Variants in FBXO47 observed in about 807,000 individuals in gnomAD.
FBXO47 encodes the protein F-box protein 47, also known as F-box only protein 47.
Under a neutral mutation model 53.9 loss-of-function variants are expected in FBXO47, and 34 were observed. The ratio of observed to expected loss-of-function variants is 0.63; its 90% CI spans 0.48 to 0.84. FBXO47 has a LOEUF of 0.84. Among genes scored for constraint, FBXO47 ranks in the 40% least tolerant of loss-of-function variants. The pLI is 0.00. For synonymous variants in FBXO47, 165 were observed against 181.6 expected (o/e 0.91, Z 0.73); for missense variants, 485 against 541.3 (o/e 0.90, Z 1.03).
At chr17:38,938,122 G>A (rs1915627307) in intron 10 of FBXO47, among the ~76,000 whole-genome samples, 1 of 152,172 alleles carries the variant, frequency 6.6e-6, no homozygotes, top group Non-Finnish European at 1.5e-5. Context: ...TTGAGACCTT[G>A]GTAAGTCAGG....
chr17:38,940,835 C>G (rs952342921), intron 9 of FBXO47, among the ~76,000 whole-genome samples: 1 of 151,606 alleles, frequency 6.6e-6, no homozygotes, highest in Non-Finnish European at 1.5e-5. Context: ...ACCACCACAC[C>G]CAGCTAGTTT....
At chr17:38,957,023 G>A (rs949745010) in intron 4 of FBXO47, among the ~76,000 whole-genome samples, 154 bp downstream of exon 4, 3 of 152,036 alleles carry the variant, frequency 2.0e-5, no homozygotes, top group Admixed American at 6.6e-5. Context: ...ATATAATCTC[G>A]AAGTACTTGG....
intron 9 of FBXO47, 132 bp from the exon 10 acceptor site, chr17:38,938,864 C>T: frequency 1.5e-6 from 1 of 673,762 alleles, no homozygotes; most frequent in Admixed American, 2.7e-5. Context: ...CATACTGAGT[C>T]TATACATGGG....
intron 9 of FBXO47, among the ~76,000 whole-genome samples, chr17:38,939,309 AAAAAAAAAAAAAAAAT>A (rs1188659967): frequency 8.0e-6 from 1 of 125,104 alleles, no homozygotes; most frequent in African/African-American, 3.2e-5. Flanking sequence ...AAAAAAAAAA[AAAAAAAAAAAAAAAAT>A]ATATATATAT....
intron 5 of FBXO47, among the ~76,000 whole-genome samples, chr17:38,953,862 GT>G (rs1202539490): frequency 6.6e-6 from 1 of 152,154 alleles, no homozygotes; most frequent in Non-Finnish European, 1.5e-5. Flanking sequence ...AGAAAAATCT[GT>G]CTTGGAAGAA....
chr17:38,951,792 A>C, intron 5 of FBXO47, 103 bp from the exon 6 acceptor site: 1 of 767,584 alleles, frequency 1.3e-6, no homozygotes, highest in East Asian at 2.7e-5. Context: ...ACACTTTGGG[A>C]GGCCAAGGTG....
chr17:38,961,180 T>G (rs1279458958), intron 3 of FBXO47, among the ~76,000 whole-genome samples: 18 of 152,220 alleles, frequency 1.2e-4, no homozygotes, highest in Non-Finnish European at 1.5e-5. Context: ...TTCACTTAAC[T>G]TACTGTTATG....
Position 38,957,219 on chromosome 17 carries a change from G to A in FBXO47, c.387C>T (p.Pro129=), listed in dbSNP as rs1180348165. ...LLFKRCTLLL[P]TKERLKYIHK... ...GAATGTATTTTAGCCTTTCCTTGGT[G>A]GGTAGCAGCAATGTGCATCTTTTAA... The change falls in exon 4 of 11, where the codon CCC becomes CCT. Residue 129 remains proline, a synonymous_variant. Transcript: ENST00000378079. The A allele has an allele frequency of 1.2e-6, 2 of 1,611,722 alleles. No individual in the cohort carries two copies. Among genetic ancestry groups the A allele is most frequent in the Admixed American group, 3.3e-5 (2 of 59,972 alleles).
At chr17:38,956,379 G>C (rs1394877609) in intron 4 of FBXO47, among the ~76,000 whole-genome samples, 1 of 152,052 alleles carries the variant, frequency 6.6e-6, no homozygotes, top group African/African-American at 2.4e-5. Context: ...CCTGAGGTCA[G>C]GAGTTCGAGA....
At chr17:38,965,761 T>C (rs574908195) in intron 1 of FBXO47, among the ~76,000 whole-genome samples, 10 of 134,846 alleles carry the variant, frequency 7.4e-5, no homozygotes, top group Non-Finnish European at 1.1e-4. Flanking sequence ...CACGCGACTG[T>C]AGTCCCAGCT....
intron 1 of FBXO47, among the ~76,000 whole-genome samples, chr17:38,966,303 G>A (rs762809727): frequency 5.1e-4 from 77 of 152,282 alleles, no homozygotes; most frequent in Non-Finnish European, 5.6e-4. Context: ...CCGGGTTCAA[G>A]CGATTCTCCT....
chr17:38,967,041 G>C (rs1204063473), intron 1 of FBXO47, among the ~76,000 whole-genome samples, 188 bp downstream of exon 1: 1 of 151,652 alleles, frequency 6.6e-6, no homozygotes, highest in African/African-American at 2.4e-5. Flanking sequence ...TAAAACTCTT[G>C]TAAGGGCCCC....
chr17:38,946,350 A>AT (rs1491102758), intron 6 of FBXO47, among the ~76,000 whole-genome samples: 4 of 87,124 alleles, frequency 4.6e-5, no homozygotes, highest in East Asian at 4.0e-4. Context: ...ATAAATATAT[A>AT]AATATATATA....
At chr17:38,955,109 T>A (rs897910959) in intron 4 of FBXO47, among the ~76,000 whole-genome samples, 176 bp from the exon 5 acceptor site, 1 of 152,164 alleles carries the variant, frequency 6.6e-6, no homozygotes, top group African/African-American at 2.4e-5. Flanking sequence ...AAGTCTCGGC[T>A]GCGCGCGGTG....
At chr17:38,950,935 C>T (rs1905247661) in intron 6 of FBXO47, among the ~76,000 whole-genome samples, 1 of 152,036 alleles carries the variant, frequency 6.6e-6, no homozygotes, top group African/African-American at 2.4e-5. Context: ...AAAGGGGTCT[C>T]TGTTGCCTAG....
At chr17:38,943,563 T>G in intron 8 of FBXO47, 27 bp downstream of exon 8, 1 of 1,401,346 alleles carries the variant, frequency 7.1e-7, no homozygotes, top group Non-Finnish European at 9.7e-7. Context: ...ATTTCTATTA[T>G]TCTATGTTAG....
intron 1 of FBXO47, among the ~76,000 whole-genome samples, chr17:38,965,709 T>TA (rs71141742): frequency 0.036 from 2,223 of 61,568 alleles, 81 homozygotes; most frequent in Middle Eastern, 0.1. Context: ...CCTTCTCTAC[T>TA]AAAAAAAAAA....
chr17:38,950,592 C>T (rs1905223676), intron 6 of FBXO47, among the ~76,000 whole-genome samples: 1 of 151,714 alleles, frequency 6.6e-6, no homozygotes, highest in African/African-American at 2.4e-5. Context: ...GAGCCACTGC[C>T]CTCTGCCTGC....
In FBXO47 at chr17:38,962,813, G is replaced by C. The variant is rs774386693; in HGVS notation, c.181+32C>G. 9.2e-6 allele frequency: 14 copies of C among 1,518,302 alleles called. No individual in the cohort carries two copies. In the South Asian group the frequency reaches 1.6e-4, roughly 17 times the overall value. The allele number at this position is 1,518,302 out of a possible 1,614,324, so 94.1% of individuals were successfully genotyped here. ...AAAAATTAAAATACTCTAGTGTCTT[G>C]TGTAGGCTATTCATAAGTTCCCAAA... On this transcript the variant is annotated intron_variant, in intron 2 of 10. Transcript: ENST00000378079.
Sources: gnomAD v4.1 joint callset for allele counts (sites outside exome capture counted in the v4.1 genomes callset) on GRCh38, gnomAD v4.1.1 for gene constraint, MANE v1.5 for transcripts, NCBI Gene and HGNC (gene_info 2026-07-23, HGNC 2026-07-21) for gene names.